HPSE2: variants seen among roughly 807,000 people sequenced by gnomAD.
HPSE2 encodes inactive heparanase-2.
HPSE2 carries 38 observed loss-of-function variants against 60.5 expected under a neutral mutation model. That is an observed-to-expected ratio of 0.63 (90% CI 0.48 to 0.82). HPSE2 has a LOEUF of 0.82. Among genes scored for constraint, HPSE2 ranks in the 40% least tolerant of loss-of-function variants. The pLI, the probability that HPSE2 is intolerant of heterozygous loss-of-function variation, is 0.00. For synonymous variants in HPSE2, 295 were observed against 293.2 expected (o/e 1.01, Z -0.06); for missense variants, 713 against 740.4 (o/e 0.96, Z 0.43).
intron 3 of HPSE2, among the ~76,000 whole-genome samples, chr10:99,119,641 T>C (rs1257752275): frequency 6.6e-6 from 1 of 152,152 alleles, no homozygotes; most frequent in Non-Finnish European, 1.5e-5. Flanking sequence ...AAGACAATCC[T>C]AAGCAAAAAG....
At chr10:98,507,825 C>T (rs138613154) in intron 9 of HPSE2, among the ~76,000 whole-genome samples, 6 of 152,070 alleles carry the variant, frequency 3.9e-5, no homozygotes, top group African/African-American at 1.4e-4. Flanking sequence ...GAATGGGTTC[C>T]ATTTTTATAA....
At chr10:98,588,402 G>C (rs1944996417) in intron 9 of HPSE2, among the ~76,000 whole-genome samples, 1 of 152,090 alleles carries the variant, frequency 6.6e-6, no homozygotes, top group South Asian at 2.1e-4. Flanking sequence ...ATGGAGCTGC[G>C]GGGAGACTTT....
chr10:98,589,375 G>T (rs1016538498), intron 9 of HPSE2, among the ~76,000 whole-genome samples: 1 of 152,096 alleles, frequency 6.6e-6, no homozygotes, highest in African/African-American at 2.4e-5. Flanking sequence ...TCAGCTACCT[G>T]CCACCCCACT....
At chr10:99,295,965 C>T in the HPSE2 span, among the ~76,000 whole-genome samples, 130,152 of 152,202 alleles carry the variant, frequency 0.86, 55,996 homozygotes, top group African/African-American at 0.92. Flanking sequence ...AAAAAGTGTC[C>T]CCTGACTGCC....
chr10:99,259,759 C>G, the HPSE2 span, among the ~76,000 whole-genome samples: 1 of 152,198 alleles, frequency 6.6e-6, no homozygotes, highest in African/African-American at 2.4e-5. Context: ...GACCACACAG[C>G]AGGAGGTGAG....
chr10:98,942,467 A>G (rs1312600073), intron 3 of HPSE2, among the ~76,000 whole-genome samples: 2 of 151,286 alleles, frequency 1.3e-5, no homozygotes, highest in African/African-American at 2.4e-5. Context: ...GCAGCCAAAA[A>G]ACACATGAAA....
chr10:98,702,503 T>C (rs115376911), intron 5 of HPSE2, among the ~76,000 whole-genome samples: 2,272 of 152,136 alleles, frequency 0.015, 30 homozygotes, highest in African/African-American at 0.03. Context: ...GTCAACCACA[T>C]GGCACTTATT....
the HPSE2 span, among the ~76,000 whole-genome samples, chr10:99,263,168 A>G: frequency 6.6e-6 from 1 of 151,636 alleles, no homozygotes; most frequent in Non-Finnish European, 1.5e-5. Context: ...CCTATTCCTC[A>G]CCCTGATCAC....
intron 4 of HPSE2, among the ~76,000 whole-genome samples, chr10:98,727,475 A>T (rs12770012): frequency 0.051 from 7,748 of 152,236 alleles, 278 homozygotes; most frequent in Non-Finnish European, 0.076. Context: ...ACACAGTGAA[A>T]CCCTGTCTCT....
intron 3 of HPSE2, among the ~76,000 whole-genome samples, chr10:98,927,286 C>T (rs1954499157): frequency 6.6e-6 from 1 of 151,988 alleles, no homozygotes; most frequent in African/African-American, 2.4e-5. Context: ...AATCTGGGTG[C>T]TCCTGTATTG....
At chr10:99,029,538 AGGTCACGTG>A (rs1214590593) in intron 3 of HPSE2, among the ~76,000 whole-genome samples, 30 of 152,324 alleles carry the variant, frequency 2.0e-4, no homozygotes, top group South Asian at 1.9e-3. Context: ...ATGATAGGTA[AGGTCACGTG>A]GGTCACGTGT....
At chr10:99,305,217 C>CT in the HPSE2 span, among the ~76,000 whole-genome samples, 130,516 of 152,168 alleles carry the variant, frequency 0.86, 56,361 homozygotes, top group African/African-American at 0.93. Flanking sequence ...CTCTCTAGTC[C>CT]CAATAAATCT....
intron 3 of HPSE2, among the ~76,000 whole-genome samples, chr10:99,099,078 T>C (rs905667671): frequency 5.9e-5 from 9 of 152,130 alleles, no homozygotes; most frequent in African/African-American, 1.9e-4. Context: ...ATGCAGAAGA[T>C]GGGTGATTTC....
intron 3 of HPSE2, among the ~76,000 whole-genome samples, chr10:99,118,099 A>G (rs571843193): frequency 1.7e-4 from 26 of 152,288 alleles, no homozygotes; most frequent in African/African-American, 5.5e-4. Context: ...GCAAATCAAT[A>G]GATGTGATCC....
intron 3 of HPSE2, among the ~76,000 whole-genome samples, chr10:98,800,935 C>G (rs768923585): frequency 6.6e-6 from 1 of 152,154 alleles, no homozygotes. Flanking sequence ...CAGAAAACTA[C>G]AGGCCAATAT....
At chr10:98,680,865 C>T (rs992626735) in intron 6 of HPSE2, among the ~76,000 whole-genome samples, 5 of 152,076 alleles carry the variant, frequency 3.3e-5, no homozygotes, top group African/African-American at 1.2e-4. Context: ...AAGCAATCCT[C>T]CTATCTCAGC....
At chr10:99,076,791 C>A (rs1842964360) in intron 3 of HPSE2, among the ~76,000 whole-genome samples, 1 of 152,162 alleles carries the variant, frequency 6.6e-6, no homozygotes, top group African/African-American at 2.4e-5. Flanking sequence ...TATATATTTA[C>A]CTTTACTAGC....
At chr10:99,262,232 G>A in the HPSE2 span, among the ~76,000 whole-genome samples, 1 of 152,096 alleles carries the variant, frequency 6.6e-6, no homozygotes, top group African/African-American at 2.4e-5. Context: ...ACTGTTGTGG[G>A]TATTGATGGC....
rs1001202864 is a variant in HPSE2 at position 98,723,259 on chromosome 10, A to T, written c.785-1431T>A. On this transcript the variant is annotated intron_variant, in intron 4 of 11. Transcript: ENST00000370552. The stretch of plus-strand genomic sequence containing the variant: ...GTCTTTGGTTCTGTTTATATGCTGG[A>T]TTACATTTACTGATTTTTGTATGTT... Among the ~76,000 whole-genome samples, 3 of 152,134 alleles carry T rather than the reference A, an allele frequency of 2.0e-5. No homozygotes were observed. The East Asian group carries it at 5.8e-4, about 29-fold the overall frequency.
Sources: allele counts gnomAD v4.1 joint callset (sites outside exome capture counted in the v4.1 genomes callset), GRCh38; gene constraint gnomAD v4.1.1; transcripts MANE v1.5; gene names NCBI Gene and HGNC (gene_info 2026-07-23, HGNC 2026-07-21).